The following GINM1 variants were observed in gnomAD, a reference collection of about 807,000 sequenced individuals.
The protein encoded by GINM1 is glycoprotein integral membrane protein 1.
A neutral mutation model predicts 37.8 loss-of-function variants in GINM1; 29 were observed. That is an observed-to-expected ratio of 0.77 (90% confidence interval 0.57 to 1.05). The LOEUF (loss-of-function observed/expected upper bound fraction) is 1.05. Among genes scored for constraint, GINM1 ranks in the 50% least tolerant of loss-of-function variants. The probability of loss-of-function intolerance (pLI) is 0.00; values close to 1 mark genes in which losing one functional copy is unlikely to be tolerated. For missense variants in GINM1, 377 were observed against 397.9 expected (o/e 0.95, Z 0.45); for synonymous variants, 143 against 146.2 (o/e 0.98, Z 0.16).
At chr6:149,589,710 A>G (rs946559591) in intron 7 of GINM1, among the ~76,000 whole-genome samples, 5 of 152,198 alleles carry the variant, frequency 3.3e-5, no homozygotes, top group Admixed American at 3.3e-4. Context: ...CTAAATTTCC[A>G]TATATGTTAG....
chr6:149,576,424 T>G (rs1230113122), intron 3 of GINM1: 6 of 152,292 alleles, frequency 3.9e-5, no homozygotes, highest in African/African-American at 1.4e-4. Context: ...GGCAGTAACA[T>G]TCCATCACTT....
chr6:149,589,362 T>C (rs927110651), intron 7 of GINM1, among the ~76,000 whole-genome samples: 1 of 152,088 alleles, frequency 6.6e-6, no homozygotes, highest in African/African-American at 2.4e-5. Context: ...AACCTCAACT[T>C]CCCGGGGTCA....
chr6:149,580,619 A>G lies in GINM1; in HGVS notation c.613A>G (p.Ser205Gly). The part of the protein sequence containing the change: ...KESVSSLQTT[S>G]QYLIRNVETT... ...AAGTGTTAGTTCACTGCAAACCACTAGCCAGTATCTTATCAGGAATGTGGA... is the reference window on the plus strand; with the variant it reads ...AAGTGTTAGTTCACTGCAAACCACTGGCCAGTATCTTATCAGGAATGTGGA... The change falls in exon 6 of 8, where the codon AGC becomes GGC. Residue 205 changes from serine (S) to glycine (G), a missense_variant. Ser to Gly is a moderately conservative substitution (Grantham distance 56). Transcript: ENST00000367419. 1.2e-6 allele frequency: 2 copies of G among 1,613,580 alleles called. No individual in the cohort carries two copies. The highest frequency in any genetic ancestry group is 1.1e-5 in the South Asian group (1 of 91,012).
chr6:149,566,498 C>T lies in GINM1; in HGVS notation c.84C>T (p.Gly28=), dbSNP rs756809361. 7.2e-6 allele frequency: 11 copies of T among 1,537,708 alleles called. No individual in the cohort carries two copies. In the Admixed American group the frequency reaches 1.6e-4, roughly 22 times the overall value. The stretch of plus-strand genomic sequence containing the variant: ...CCGCCTCCGGCTGGCTGACGACGGG[C>T]GCCCCCGAGCCGCCGCCGCTGTCCG... ...ALPASGWLTT[G]APEPPPLSGA... Residue 28 remains glycine, a synonymous_variant, in exon 1 of 8, where the codon GGC becomes GGT. Coordinates refer to ENST00000367419, the MANE Select transcript of GINM1 (RefSeq NM_138785.5). This position sits in a 1 kb window ranked among gnomAD's most constrained non-coding sequence, Gnocchi z 4.4.
At chr6:149,582,413 C>A in intron 6 of GINM1, 27 bp from the exon 7 acceptor site, 1 of 1,582,836 alleles carries the variant, frequency 6.3e-7, no homozygotes, top group Non-Finnish European at 8.6e-7. Context: ...ATGCAACTTG[C>A]ATATCTAATC....
chr6:149,584,983 G>A (rs1463766243), intron 7 of GINM1, among the ~76,000 whole-genome samples: 2 of 151,896 alleles, frequency 1.3e-5, no homozygotes, highest in Non-Finnish European at 2.9e-5. Context: ...TAAGTATCAT[G>A]TTGGCACTCA....
intron 3 of GINM1, among the ~76,000 whole-genome samples, chr6:149,577,775 A>G (rs556150491): frequency 3.9e-5 from 6 of 152,300 alleles, no homozygotes; most frequent in African/African-American, 1.4e-4. Context: ...TGAGGGATAG[A>G]AATAAAATGC....
At chr6:149,568,530 G>T (rs1360988838) in intron 1 of GINM1, among the ~76,000 whole-genome samples, 2 of 152,258 alleles carry the variant, frequency 1.3e-5, no homozygotes, top group African/African-American at 4.8e-5. Flanking sequence ...GCCAGTGCCA[G>T]TGAGGAACTG....
chr6:149,589,588 G>T (rs1778123026), intron 7 of GINM1, among the ~76,000 whole-genome samples: 1 of 151,934 alleles, frequency 6.6e-6, no homozygotes, highest in South Asian at 2.1e-4. Flanking sequence ...TTATTTTTTA[G>T]CATTACTTTT....
chr6:149,589,434 G>T (rs1160575169), intron 7 of GINM1, among the ~76,000 whole-genome samples: 1 of 150,636 alleles, frequency 6.6e-6, no homozygotes, highest in Non-Finnish European at 1.5e-5. Context: ...CACCACAGCC[G>T]GCTAATTTAT....
intron 7 of GINM1, among the ~76,000 whole-genome samples, chr6:149,586,498 A>C (rs899446144): frequency 4.6e-5 from 7 of 152,144 alleles, no homozygotes; most frequent in African/African-American, 1.4e-4. Flanking sequence ...CAAATCTAGC[A>C]CCACCAAAAC....
intron 3 of GINM1, among the ~76,000 whole-genome samples, chr6:149,575,333 C>T (rs894692621): frequency 1.3e-5 from 2 of 152,226 alleles, no homozygotes; most frequent in African/African-American, 4.8e-5. Context: ...GAAAACATCT[C>T]TTTGCCTTCA....
rs767710188 is a variant in GINM1 at position 149,572,514 on chromosome 6, TTAACA to T, written c.193_197del (p.Ile65LeufsTer2). 3 of 1,575,918 alleles carry T rather than the reference TTAACA, an allele frequency of 1.9e-6. No individual in the cohort carries two copies. Among genetic ancestry groups the T allele is most frequent in the South Asian group, 1.1e-5 (1 of 87,258 alleles). On this transcript the variant is annotated frameshift_variant, in exon 3 of 8. Coordinates refer to ENST00000367419, the MANE Select transcript of GINM1 (RefSeq NM_138785.5). LOFTEE classifies it high-confidence loss of function. ...ATGCTGCTTTATTTTAAGGTTGTTC[TTAACA>T]TAACCTATGAGAGTGGACAGGTGTA...
intron 6 of GINM1, 108 bp downstream of exon 6, chr6:149,580,831 A>G (rs1197491144): frequency 5.6e-6 from 5 of 887,300 alleles, no homozygotes; most frequent in African/African-American, 1.7e-5. Context: ...ACTGTAGAGC[A>G]TTGGTGATAA....
At chr6:149,580,817 T>TG in intron 6 of GINM1, 94 bp downstream of exon 6, 1 of 1,115,238 alleles carries the variant, frequency 9.0e-7, no homozygotes, top group Non-Finnish European at 1.3e-6. Context: ...TCCTGAAGAA[T>TG]GGAACTGTAG....
In GINM1 at chr6:149,589,260, A is replaced by T. The variant is rs1778117708; in HGVS notation, c.882-1467A>T. ...CTGTGCCCAGCCATTATATTTTCTT[A>T]AAATTTATTTATTTATTTATTTATA... On this transcript the variant is annotated intron_variant, in intron 7 of 7. Transcript: ENST00000367419. Among the ~76,000 whole-genome samples, 4 of 150,328 alleles carry T rather than the reference A, an allele frequency of 2.7e-5. No homozygotes were observed. In the South Asian group the frequency reaches 8.4e-4, roughly 32 times the overall value.
At chr6:149,578,525 C>CAAAAAA (rs145601764) in intron 3 of GINM1, among the ~76,000 whole-genome samples, 74 of 71,106 alleles carry the variant, frequency 1.0e-3, no homozygotes, top group Non-Finnish European at 1.3e-3. Flanking sequence ...GACTCCATCT[C>CAAAAAA]AAAAAAAAAA....
At chr6:149,576,121 C>G (rs1384988532) in intron 3 of GINM1, 1 of 152,070 alleles carries the variant, frequency 6.6e-6, no homozygotes, top group Non-Finnish European at 1.5e-5. Context: ...TTAGCAGGGT[C>G]CTGTGGTTCT....
intron 1 of GINM1, among the ~76,000 whole-genome samples, chr6:149,568,990 C>A (rs1463747419): frequency 6.6e-6 from 1 of 151,290 alleles, no homozygotes; most frequent in Non-Finnish European, 1.5e-5. Context: ...TGCCACCACA[C>A]CTGGCTAGTT....
Sources: gnomAD v4.1 joint callset for allele counts (sites outside exome capture counted in the v4.1 genomes callset) on GRCh38, gnomAD v4.1.1 for gene constraint, Gnocchi (gnomAD v3.1) non-coding constraint, MANE v1.5 for transcripts, NCBI Gene and HGNC (gene_info 2026-07-23, HGNC 2026-07-21) for gene names.